The following SGMS1 variants were observed in gnomAD, a reference collection of about 807,000 sequenced individuals.
The protein encoded by SGMS1 is phosphatidylcholine:ceramide cholinephosphotransferase 1.
SGMS1 carries 13 observed loss-of-function variants against 46.2 expected under a neutral mutation model. The observed-to-expected ratio is 0.28, with a 90% CI of 0.18 to 0.45. The LOEUF (loss-of-function observed/expected upper bound fraction) is 0.45, where lower values mean the gene tolerates loss of function less well. Ranked by LOEUF, SGMS1 falls within the 20% of genes least tolerant of loss-of-function variation. The pLI is 1.00. For synonymous variants in SGMS1, 203 were observed against 187.8 expected (o/e 1.08, Z -0.66); for missense variants, 324 against 519.9 (o/e 0.62, Z 3.66).
intron 6 of SGMS1, among the ~76,000 whole-genome samples, chr10:50,356,233 A>G (rs1848145729): frequency 6.6e-6 from 1 of 152,250 alleles, no homozygotes; most frequent in Non-Finnish European, 1.5e-5. Flanking sequence ...CTGCCTTGGG[A>G]TGCTGTTAAT....
intron 6 of SGMS1, among the ~76,000 whole-genome samples, chr10:50,385,108 T>G (rs1265860420): frequency 6.6e-6 from 1 of 152,188 alleles, no homozygotes; most frequent in Non-Finnish European, 1.5e-5. Context: ...TCTCTGATGT[T>G]TTCTCTTGAT....
intron 6 of SGMS1, among the ~76,000 whole-genome samples, chr10:50,359,409 T>C (rs962334423): frequency 1.3e-5 from 2 of 152,118 alleles, no homozygotes; most frequent in African/African-American, 2.4e-5. Context: ...AGCCTCAGTG[T>C]TGTAGAAGAA....
intron 3 of SGMS1, among the ~76,000 whole-genome samples, chr10:50,510,695 C>T (rs931736725): frequency 4.0e-5 from 6 of 151,874 alleles, no homozygotes; most frequent in African/African-American, 1.5e-4. Context: ...GTATCCTTCA[C>T]CCAGCTTCTC....
chr10:50,391,379 T>C (rs1205046980), intron 6 of SGMS1, among the ~76,000 whole-genome samples: 1 of 152,176 alleles, frequency 6.6e-6, no homozygotes, highest in Non-Finnish European at 1.5e-5. Context: ...GAATTTTTTT[T>C]AAAAGAAGAC....
intron 5 of SGMS1, among the ~76,000 whole-genome samples, chr10:50,447,662 C>G (rs1837039197): frequency 6.6e-6 from 1 of 152,054 alleles, no homozygotes; most frequent in South Asian, 2.1e-4. Context: ...ACATGTTTAT[C>G]ACGTATAACA....
intron 5 of SGMS1, among the ~76,000 whole-genome samples, chr10:50,440,904 C>T (rs1849538173): frequency 6.6e-6 from 1 of 152,204 alleles, no homozygotes; most frequent in African/African-American, 2.4e-5. Context: ...GCCACCATGC[C>T]CAACCTAGGC....
chr10:50,409,143 TA>T (rs1426123149), intron 6 of SGMS1, among the ~76,000 whole-genome samples: 1 of 152,222 alleles, frequency 6.6e-6, no homozygotes, highest in Admixed American at 6.5e-5. Flanking sequence ...TGCACATATT[TA>T]TGGGGTACAT....
intron 8 of SGMS1, among the ~76,000 whole-genome samples, chr10:50,319,216 T>C (rs1339512441): frequency 6.6e-6 from 1 of 151,146 alleles, no homozygotes. Flanking sequence ...AAATTATAAA[T>C]GTGAAAAAGT....
chr10:50,522,004 A>T (rs537238567), intron 2 of SGMS1, among the ~76,000 whole-genome samples: 1 of 152,166 alleles, frequency 6.6e-6, no homozygotes, highest in Non-Finnish European at 1.5e-5. Context: ...TTTAGTATCC[A>T]TTAGTGATGT....
intron 3 of SGMS1, among the ~76,000 whole-genome samples, chr10:50,515,721 T>C (rs900778846): frequency 6.6e-6 from 1 of 152,142 alleles, no homozygotes; most frequent in Non-Finnish European, 1.5e-5. Context: ...AGTGCTCAGC[T>C]TTCCAACCAT....
At chr10:50,313,724 C>G (rs547969345) in intron 8 of SGMS1, among the ~76,000 whole-genome samples, 7 of 152,172 alleles carry the variant, frequency 4.6e-5, no homozygotes, top group Non-Finnish European at 7.3e-5. Context: ...ATCATATTCT[C>G]AAGGCAGCAT....
intron 3 of SGMS1, among the ~76,000 whole-genome samples, chr10:50,504,951 A>G (rs1837694428): frequency 6.6e-6 from 1 of 152,170 alleles, no homozygotes; most frequent in Admixed American, 6.5e-5. Flanking sequence ...CAAGTGCAGT[A>G]GCTCACGCCT....
chr10:50,308,268 T>C, intron 9 of SGMS1, 120 bp from the exon 10 acceptor site: 1 of 847,692 alleles, frequency 1.2e-6, no homozygotes, highest in Non-Finnish European at 1.8e-6. Context: ...TGAAAACAGA[T>C]CTAGTGAATC....
At chr10:50,607,298 T>C (rs1308569614) in intron 1 of SGMS1, among the ~76,000 whole-genome samples, 1 of 152,096 alleles carries the variant, frequency 6.6e-6, no homozygotes, top group Admixed American at 6.6e-5. Context: ...TTGTACTTTG[T>C]GTATAACAGC....
chr10:50,313,017 C>G (rs1847281708), intron 8 of SGMS1, among the ~76,000 whole-genome samples: 1 of 152,012 alleles, frequency 6.6e-6, no homozygotes, highest in African/African-American at 2.4e-5. Flanking sequence ...ACTACTAAAG[C>G]AAAAAACCAA....
chr10:50,420,101 C>G (rs982460270), intron 6 of SGMS1, among the ~76,000 whole-genome samples: 1 of 152,150 alleles, frequency 6.6e-6, no homozygotes, highest in Non-Finnish European at 1.5e-5. Context: ...GAAGCAAGAT[C>G]GGCCTATAGC....
rs1164283248 is a variant in SGMS1 at position 50,374,817 on chromosome 10, C to T, written c.-231-30472G>A. 3.3e-5 allele frequency among the ~76,000 whole-genome samples: 5 copies of T among 152,266 alleles called. No individual in the cohort carries two copies. The East Asian group carries it at 7.7e-4, about 24-fold the overall frequency. On this transcript the variant is annotated intron_variant, in intron 6 of 10. Transcript: ENST00000361781. Reference sequence around the variant, plus strand: ...GTCTTTGCACTTGAGGGCCCTTCTTCTGGAATATTCTTCCCCAGATATCCT... The same window carrying T: ...GTCTTTGCACTTGAGGGCCCTTCTTTTGGAATATTCTTCCCCAGATATCCT...
intron 1 of SGMS1, among the ~76,000 whole-genome samples, chr10:50,612,028 G>C (rs747808839): frequency 3.3e-5 from 5 of 152,220 alleles, no homozygotes; most frequent in Non-Finnish European, 7.3e-5. Flanking sequence ...TGCCAGTGGG[G>C]TGGGTACCAC....
intron 8 of SGMS1, among the ~76,000 whole-genome samples, chr10:50,311,922 T>C (rs1031956142): frequency 1.3e-5 from 2 of 152,208 alleles, no homozygotes; most frequent in Admixed American, 6.5e-5. Flanking sequence ...TCAGGGATCA[T>C]GTTGAAACAA....
Sources: allele counts gnomAD v4.1 joint callset (sites outside exome capture counted in the v4.1 genomes callset), GRCh38; gene constraint gnomAD v4.1.1; transcripts MANE v1.5; gene names NCBI Gene and HGNC (gene_info 2026-07-23, HGNC 2026-07-21).